HS6ST3: variants seen among roughly 807,000 people sequenced by gnomAD.
HS6ST3 encodes heparan sulfate 6-O-sulfotransferase 3.
In HS6ST3, 12 loss-of-function variants were observed where a neutral mutation model predicts 36.7. That is an observed-to-expected ratio of 0.33 (90% confidence interval 0.21 to 0.53). The LOEUF (loss-of-function observed/expected upper bound fraction) is 0.53, where lower values mean the gene tolerates loss of function less well. Among genes scored for constraint, HS6ST3 ranks in the 20% least tolerant of loss-of-function variants. The pLI, the probability that HS6ST3 is intolerant of heterozygous loss-of-function variation, is 0.95. For synonymous variants in HS6ST3, 240 were observed against 257.5 expected, an observed-to-expected ratio of 0.93 and a Z score of 0.65; for missense variants, 584 against 640.9, an observed-to-expected ratio of 0.91 and a Z score of 0.96.
At chr13:96,581,823 A>G (rs1028757540) in intron 1 of HS6ST3, among the ~76,000 whole-genome samples, 2 of 152,148 alleles carry the variant, frequency 1.3e-5, no homozygotes, top group East Asian at 1.9e-4. Context: ...GGAGCAGGGA[A>G]AAAAAGGAGC....
At chr13:96,452,867 G>T (rs959042650) in intron 1 of HS6ST3, among the ~76,000 whole-genome samples, 10 of 152,082 alleles carry the variant, frequency 6.6e-5, no homozygotes, top group Admixed American at 1.3e-4. Context: ...CCTACTACCT[G>T]GGAGGAATTG....
intron 1 of HS6ST3, among the ~76,000 whole-genome samples, chr13:96,735,293 T>C (rs1486797903): frequency 6.6e-6 from 1 of 151,440 alleles, no homozygotes; most frequent in Non-Finnish European, 1.5e-5. Flanking sequence ...CTAAGAAGAG[T>C]TTATGTGTTT....
At chr13:96,453,350 C>CT (rs2055739190) in intron 1 of HS6ST3, among the ~76,000 whole-genome samples, 1 of 152,080 alleles carries the variant, frequency 6.6e-6, no homozygotes, top group South Asian at 2.1e-4. Context: ...ACTCTCTCAC[C>CT]TTTTGGAGTC....
At chr13:96,207,074 C>A (rs1439825056) in intron 1 of HS6ST3, among the ~76,000 whole-genome samples, 1 of 152,030 alleles carries the variant, frequency 6.6e-6, no homozygotes, top group Non-Finnish European at 1.5e-5. Context: ...GGTCTAATAT[C>A]CAGAGTCTAA....
At chr13:96,332,868 G>A (rs1035381331) in intron 1 of HS6ST3, among the ~76,000 whole-genome samples, 3 of 152,150 alleles carry the variant, frequency 2.0e-5, no homozygotes, top group Non-Finnish European at 4.4e-5. Context: ...CCAATGTGAT[G>A]GTATTAGGAG....
At chr13:96,234,266 C>T (rs145462913) in intron 1 of HS6ST3, among the ~76,000 whole-genome samples, 1,776 of 151,834 alleles carry the variant, frequency 0.012, 39 homozygotes, top group African/African-American at 0.041. Flanking sequence ...AAAAATTAGC[C>T]GGGCATGGTG....
intron 1 of HS6ST3, among the ~76,000 whole-genome samples, chr13:96,705,662 C>T (rs1476426550): frequency 6.6e-6 from 1 of 152,158 alleles, no homozygotes; most frequent in Admixed American, 6.5e-5. Flanking sequence ...TTCTCATCCT[C>T]AAAGGGCTGC....
At chr13:96,202,460 G>A (rs2068831044) in intron 1 of HS6ST3, among the ~76,000 whole-genome samples, 1 of 152,092 alleles carries the variant, frequency 6.6e-6, no homozygotes, top group Non-Finnish European at 1.5e-5. Flanking sequence ...CTGTCTCTCA[G>A]TGATTTTGCA....
intron 1 of HS6ST3, among the ~76,000 whole-genome samples, chr13:96,112,578 A>AC (rs879788192): frequency 1.2e-5 from 1 of 81,224 alleles, no homozygotes; most frequent in Non-Finnish European, 2.3e-5. Context: ...AAAATAAATA[A>AC]ATATATATAT....
At chr13:96,288,415 A>G (rs1477575047) in intron 1 of HS6ST3, among the ~76,000 whole-genome samples, 1 of 152,158 alleles carries the variant, frequency 6.6e-6, no homozygotes, top group African/African-American at 2.4e-5. Context: ...GTTACCAGCT[A>G]GAATCTGAGA....
chr13:96,203,244 T>G (rs1230058515), intron 1 of HS6ST3, among the ~76,000 whole-genome samples: 1 of 152,206 alleles, frequency 6.6e-6, no homozygotes, highest in African/African-American at 2.4e-5. Context: ...GCTGGAAAGT[T>G]CAGGAAGAAG....
chr13:96,113,450 T>C (rs1293202563), intron 1 of HS6ST3, among the ~76,000 whole-genome samples: 1 of 152,202 alleles, frequency 6.6e-6, no homozygotes, highest in Non-Finnish European at 1.5e-5. Context: ...ATTACATTCT[T>C]AATAGATAAT....
rs543233953 is a variant in HS6ST3, at chr13:96,436,341, G to T, written c.707+344772G>T. On this transcript the variant is annotated intron_variant, in intron 1 of 1. Coordinates refer to ENST00000376705, the MANE Select transcript of HS6ST3 (RefSeq NM_153456.4). ...TTGGAATGTATTTATCTGTACCTTT[G>T]TATAAATCCATATTTTAAAAGTTGA... Among the ~76,000 whole-genome samples the T allele has an allele frequency of 1.1e-3, 169 of 152,264 alleles. 1 individual carries two copies. The highest frequency in any genetic ancestry group is 3.8e-3 in the African/African-American group (156 of 41,554).
At chr13:96,119,809 G>A (rs1322928042) in intron 1 of HS6ST3, among the ~76,000 whole-genome samples, 2 of 151,280 alleles carry the variant, frequency 1.3e-5, no homozygotes, top group African/African-American at 2.4e-5. Flanking sequence ...GAGGACTAAT[G>A]AGTCCTAAAA....
rs1455464834 is a variant in HS6ST3 at position 96,091,147 on chromosome 13, C to A, written c.285C>A (p.Pro95=). ...CGCCGGAGGAGGAGGACGAGGAGCC[C>A]GGAGACCCCCGGGAGGGGGAGGAAG... is the stretch of plus-strand genomic sequence containing the variant. ...AAAPEEEDEE[P]GDPREGEEEE... The change falls in exon 1 of 2, where the codon CCC becomes CCA. Residue 95 remains proline (P), a synonymous_variant. Transcript: ENST00000376705. The A allele has an allele frequency of 1.3e-6, 2 of 1,519,868 alleles. No individual in the cohort carries two copies. Among genetic ancestry groups the A allele is most frequent in the East Asian group, 2.5e-5 (1 of 39,626 alleles). The allele number at this position is 1,519,868 out of a possible 1,614,324, so 94.1% of individuals were successfully genotyped here. A position where few individuals can be genotyped will look rare whatever the true frequency, so the allele number is the denominator to read the frequency against.
chr13:96,661,447 G>T (rs1030582623), intron 1 of HS6ST3, among the ~76,000 whole-genome samples: 4 of 151,936 alleles, frequency 2.6e-5, no homozygotes, highest in African/African-American at 9.7e-5. Flanking sequence ...ACTCCTGCTT[G>T]CTTTTCTTTT....
chr13:96,778,184 T>C (rs1332262109), intron 1 of HS6ST3, among the ~76,000 whole-genome samples: 2 of 152,186 alleles, frequency 1.3e-5, no homozygotes, highest in Non-Finnish European at 2.9e-5. Context: ...CAAGACGGAT[T>C]AAAGACTTAA....
chr13:96,155,641 T>G, intron 1 of HS6ST3, among the ~76,000 whole-genome samples: 1 of 152,206 alleles, frequency 6.6e-6, no homozygotes, highest in East Asian at 1.9e-4. Context: ...AATGAAAACC[T>G]GATGATAGAA....
chr13:96,559,142 A>G (rs1256278311), intron 1 of HS6ST3, among the ~76,000 whole-genome samples: 1 of 151,536 alleles, frequency 6.6e-6, no homozygotes, highest in African/African-American at 2.4e-5. Flanking sequence ...ATTGAGACAG[A>G]GTCTCATTCT....
Sources: gnomAD v4.1 joint callset for allele counts (sites outside exome capture counted in the v4.1 genomes callset) on GRCh38, gnomAD v4.1.1 for gene constraint, MANE v1.5 for transcripts, NCBI Gene and HGNC (gene_info 2026-07-23, HGNC 2026-07-21) for gene names.